XYLT1: variants seen among roughly 807,000 people sequenced by gnomAD.
XYLT1 encodes xylosyltransferase 1.
In XYLT1, 36 loss-of-function variants were observed where a neutral mutation model predicts 91.3. The observed-to-expected ratio is 0.39, with a 90% CI of 0.30 to 0.52. The LOEUF (loss-of-function observed/expected upper bound fraction) is 0.52. XYLT1 is among the 20% of genes least tolerant of loss of function. The pLI is 0.68. For synonymous variants in XYLT1, 588 were observed against 532.0 expected, an observed-to-expected ratio of 1.11 and a Z score of -1.45; for missense variants, 1,242 against 1,284.5, an observed-to-expected ratio of 0.97 and a Z score of 0.51.
intron 2 of XYLT1, among the ~76,000 whole-genome samples, chr16:17,305,688 A>G (rs1415884275): frequency 6.6e-6 from 1 of 152,156 alleles, no homozygotes; most frequent in African/African-American, 2.4e-5. Context: ...TGCTGGGATT[A>G]TAGACGTGAA....
chr16:17,108,185 CAGA>C lies in XYLT1; in HGVS notation c.*507_*509del, dbSNP rs1966803709. On this transcript the variant is annotated 3_prime_UTR_variant, in exon 12 of 12. Coordinates refer to ENST00000261381, the MANE Select transcript of XYLT1 (RefSeq NM_022166.4). ...GCAGTGCTTGTCAAACTGGCATTTG[CAGA>C]GCCCTTGGGTTCTGAAGAGGTACCG... The C allele has an allele frequency of 6.5e-6, 1 of 153,102 alleles. No homozygotes were observed. Among genetic ancestry groups the C allele is most frequent in the Admixed American group, 6.5e-5 (1 of 15,310 alleles). 9.5% of individuals were successfully genotyped at this position (153,102 alleles called of 1,614,324 possible). A position where few individuals can be genotyped will look rare whatever the true frequency, so the allele number is the denominator to read the frequency against.
intron 5 of XYLT1, among the ~76,000 whole-genome samples, chr16:17,176,108 C>A (rs1567308685): frequency 6.6e-6 from 1 of 152,176 alleles, no homozygotes; most frequent in Non-Finnish European, 1.5e-5. Flanking sequence ...ACAGCCACTG[C>A]AGCCACAGTG....
intron 6 of XYLT1, among the ~76,000 whole-genome samples, chr16:17,142,373 G>GT (rs1432974220): frequency 6.7e-6 from 1 of 148,170 alleles, no homozygotes; most frequent in African/African-American, 2.5e-5. Context: ...TACTACGTGT[G>GT]TTTCTTTATT....
chr16:17,253,798 C>T (rs1296743251), intron 3 of XYLT1, among the ~76,000 whole-genome samples: 1 of 150,716 alleles, frequency 6.6e-6, no homozygotes, highest in Non-Finnish European at 1.5e-5. Flanking sequence ...CCCAATAATG[C>T]CCTGCCTTCT....
chr16:17,359,524 C>T lies in XYLT1; in HGVS notation c.364-1474G>A, dbSNP rs928490171. ...CTGTCCTTTAGGAAGAGGAATTCGTCGTCCCCCAACTCCAATTCTGAGTCC... is the reference window on the plus strand; with the variant it reads ...CTGTCCTTTAGGAAGAGGAATTCGTTGTCCCCCAACTCCAATTCTGAGTCC... On this transcript the variant is annotated intron_variant, in intron 1 of 11. Coordinates refer to ENST00000261381, the MANE Select transcript of XYLT1 (RefSeq NM_022166.4). 1.3e-5 allele frequency among the ~76,000 whole-genome samples: 2 copies of T among 152,192 alleles called. 1 individual carries two copies. The highest frequency in any genetic ancestry group is 4.1e-4 in the South Asian group (2 of 4,828).
chr16:17,219,295 AAAAAAAGAAAAAG>A (rs1567328062), intron 3 of XYLT1, among the ~76,000 whole-genome samples: 1 of 138,580 alleles, frequency 7.2e-6, no homozygotes, highest in African/African-American at 3.4e-5. Flanking sequence ...AAAAAAAAAA[AAAAAAAGAAAAAG>A]AAAAAAAAAG....
intron 8 of XYLT1, 132 bp downstream of exon 8, chr16:17,138,223 T>TGTTA: frequency 1.1e-6 from 1 of 888,378 alleles, no homozygotes; most frequent in East Asian, 3.0e-5. Context: ...TACTGTTAAC[T>TGTTA]ATTATTAATT....
At chr16:17,279,850 G>A (rs2034031388) in intron 2 of XYLT1, among the ~76,000 whole-genome samples, 1 of 152,174 alleles carries the variant, frequency 6.6e-6, no homozygotes, top group Non-Finnish European at 1.5e-5. Context: ...TCAGGCAGAG[G>A]ACACCTTGGG....
chr16:17,296,019 T>C (rs1265486381), intron 2 of XYLT1, among the ~76,000 whole-genome samples: 1 of 149,506 alleles, frequency 6.7e-6, no homozygotes, highest in Non-Finnish European at 1.5e-5. Flanking sequence ...ATTCATAGAG[T>C]AAGGAAGAAA....
At chr16:17,124,881 G>T (rs1269132164) in intron 10 of XYLT1, among the ~76,000 whole-genome samples, 1 of 152,094 alleles carries the variant, frequency 6.6e-6, no homozygotes, top group East Asian at 1.9e-4. Flanking sequence ...CGTTTGATTC[G>T]ATTGCTGAGA....
At chr16:17,173,365 C>A (rs2031869205) in intron 5 of XYLT1, among the ~76,000 whole-genome samples, 1 of 152,224 alleles carries the variant, frequency 6.6e-6, no homozygotes, top group Non-Finnish European at 1.5e-5. Context: ...AAGACAAAAT[C>A]CCTCTGAGAA....
chr16:17,258,396 A>C (rs2033668070), intron 3 of XYLT1, among the ~76,000 whole-genome samples: 1 of 151,758 alleles, frequency 6.6e-6, no homozygotes, highest in Non-Finnish European at 1.5e-5. Flanking sequence ...AGAGGGAAGA[A>C]AAGGAAAGGG....
chr16:17,413,441 A>ATTT (rs34570613), intron 1 of XYLT1, among the ~76,000 whole-genome samples: 1 of 142,684 alleles, frequency 7.0e-6, no homozygotes, highest in Admixed American at 7.0e-5. Flanking sequence ...TTTTGTCATC[A>ATTT]TTTTTTTTTT....
At chr16:17,401,945 C>G (rs12103240) in intron 1 of XYLT1, among the ~76,000 whole-genome samples, 1 of 152,044 alleles carries the variant, frequency 6.6e-6, no homozygotes, top group Non-Finnish European at 1.5e-5. Context: ...GGTGCATCAA[C>G]GCAGTGGTGA....
At chr16:17,226,776 C>T (rs2033073970) in intron 3 of XYLT1, among the ~76,000 whole-genome samples, 1 of 152,166 alleles carries the variant, frequency 6.6e-6, no homozygotes. Flanking sequence ...GAGTGAAACC[C>T]TGTCTCAAAA....
intron 6 of XYLT1, among the ~76,000 whole-genome samples, chr16:17,156,590 A>G (rs2031412641): frequency 6.6e-6 from 1 of 152,248 alleles, no homozygotes; most frequent in Non-Finnish European, 1.5e-5. Flanking sequence ...AAATCAGGTA[A>G]ACTCCAGAAG....
At chr16:17,295,713 C>T (rs1191951541) in intron 2 of XYLT1, among the ~76,000 whole-genome samples, 2 of 152,168 alleles carry the variant, frequency 1.3e-5, no homozygotes, top group Admixed American at 6.5e-5. Context: ...CTTGCCATGT[C>T]TGGAGACATT....
chr16:17,249,875 C>G (rs1034152623), intron 3 of XYLT1: 7 of 152,162 alleles, frequency 4.6e-5, no homozygotes, highest in African/African-American at 1.7e-4. Flanking sequence ...GGTGTTTCTC[C>G]ATGGTGGCCA....
intron 2 of XYLT1, among the ~76,000 whole-genome samples, chr16:17,314,109 G>A (rs1252713821): frequency 1.3e-5 from 2 of 152,212 alleles, no homozygotes; most frequent in Non-Finnish European, 1.5e-5. Flanking sequence ...CGACTCACTA[G>A]TTACTAGCTT....
Sources: gnomAD v4.1 joint callset for allele counts (sites outside exome capture counted in the v4.1 genomes callset) on GRCh38, gnomAD v4.1.1 for gene constraint, MANE v1.5 for transcripts, NCBI Gene and HGNC (gene_info 2026-07-23, HGNC 2026-07-21) for gene names.